CNGB1: variants seen among roughly 807,000 people sequenced by gnomAD.
The protein encoded by CNGB1 is cyclic nucleotide-gated channel beta-1.
A neutral mutation model predicts 151.7 loss-of-function variants in CNGB1; 126 were observed. The observed-to-expected ratio is 0.83, with a 90% CI of 0.72 to 0.96. The LOEUF (loss-of-function observed/expected upper bound fraction) is 0.96. Among genes scored for constraint, CNGB1 ranks in the 40% least tolerant of loss-of-function variants. The probability of loss-of-function intolerance (pLI) is 0.00; values close to 1 mark genes in which losing one functional copy is unlikely to be tolerated. For missense variants in CNGB1, 1,698 were observed against 1,627.0 expected (o/e 1.04, Z -0.75); for synonymous variants, 623 against 635.1 (o/e 0.98, Z 0.29).
In CNGB1 at chr16:57,897,462, C is replaced by T. The variant is rs897497044; in HGVS notation, c.3177G>A (p.Lys1059=). 6.2e-7 allele frequency: 1 copy of T among 1,614,138 alleles called. No individual in the cohort carries two copies. The highest frequency in any genetic ancestry group is 8.5e-7 in the Non-Finnish European group (1 of 1,180,050). The part of the protein sequence containing the change: ...HGFTNLFILD[K]KDLNEILVHY... The stretch of plus-strand genomic sequence containing the variant: ...GCACCAAAATCTCATTCAGGTCCTT[C>T]TTATCCAGGATGAAGAGGTTGGTAA... Residue 1059 remains lysine, a synonymous_variant, in exon 31 of 33, where the codon AAG becomes AAA. Coordinates refer to ENST00000251102, the MANE Select transcript of CNGB1 (RefSeq NM_001297.5).
At chr16:57,924,855 C>A (rs1237613873) in intron 17 of CNGB1, among the ~76,000 whole-genome samples, 1 of 152,136 alleles carries the variant, frequency 6.6e-6, no homozygotes, top group African/African-American at 2.4e-5. Context: ...CTCAGTTCTG[C>A]TCCTGCCATG....
chr16:57,895,932 T>C (rs1441362322), intron 31 of CNGB1, among the ~76,000 whole-genome samples: 1 of 152,148 alleles, frequency 6.6e-6, no homozygotes, highest in Non-Finnish European at 1.5e-5. Flanking sequence ...AGAGTATTCA[T>C]GGAATCAAGT....
chr16:57,896,788 G>T (rs778170995), intron 31 of CNGB1, among the ~76,000 whole-genome samples: 1 of 151,574 alleles, frequency 6.6e-6, no homozygotes, highest in African/African-American at 2.4e-5. Context: ...ATGCTTAAAA[G>T]AAGTCCAAGT....
chr16:57,957,511 A>C, intron 11 of CNGB1, 134 bp from the exon 12 acceptor site: 1 of 767,944 alleles, frequency 1.3e-6, no homozygotes, highest in Admixed American at 2.0e-5. Flanking sequence ...TGGAGAAGAG[A>C]GTCCCTGCTG....
At chr16:57,893,366 C>T (rs1029362884) in intron 31 of CNGB1, among the ~76,000 whole-genome samples, 4 of 152,148 alleles carry the variant, frequency 2.6e-5, no homozygotes, top group African/African-American at 9.7e-5. Context: ...AAATGATCCT[C>T]CCGCCTCAGC....
chr16:57,917,528 C>A, intron 20 of CNGB1, 52 bp from the exon 21 acceptor site: 5 of 1,573,714 alleles, frequency 3.2e-6, no homozygotes, highest in Non-Finnish European at 4.4e-6. Flanking sequence ...CAAGGCTCTT[C>A]ACCAGTTGGA....
Position 57,883,962 on chromosome 16 carries a change from A to AGCTCAG in CNGB1, c.*196_*201dup. 1 of 651,356 alleles carries AGCTCAG rather than the reference A, an allele frequency of 1.5e-6. No homozygotes were observed. The allele number at this position is 651,356 out of a possible 1,614,324, so 40.3% of individuals were successfully genotyped here. Reference sequence around the variant, plus strand: ...CTCGAACACTTGATGCAACTTGTCGAGCTCAGGCCCAGCCCCGCGAGGAGC... The same window carrying AGCTCAG: ...CTCGAACACTTGATGCAACTTGTCGAGCTCAGGCTCAGGCCCAGCCCCGCGAGGAGC... On this transcript the variant is annotated 3_prime_UTR_variant, in exon 33 of 33. Transcript: ENST00000251102.
chr16:57,920,597 A>T, intron 18 of CNGB1, 53 bp from the exon 19 acceptor site: 2 of 1,599,904 alleles, frequency 1.3e-6, no homozygotes, highest in Non-Finnish European at 1.7e-6. Context: ...GGACCTGTGC[A>T]CCCCCAGGCC....
At chr16:57,957,255 C>T in intron 12 of CNGB1, 86 bp downstream of exon 12, 1 of 1,300,066 alleles carries the variant, frequency 7.7e-7, no homozygotes, top group East Asian at 2.3e-5. Context: ...CCAGGGACAG[C>T]CCCCCTGCCC....
In CNGB1 at chr16:57,957,328, A is replaced by G; in HGVS notation, c.874+13T>C. On this transcript the variant is annotated intron_variant, in intron 12 of 32. Coordinates refer to ENST00000251102, the MANE Select transcript of CNGB1 (RefSeq NM_001297.5). ...CTAATATGTACATGGGGACTCAGTA[A>G]TGTGTCACTTACTGGTCTGCACATC... 6.2e-7 allele frequency: 1 copy of G among 1,613,024 alleles called. No individual in the cohort carries two copies. Among genetic ancestry groups the G allele is most frequent in the East Asian group, 2.2e-5 (1 of 44,864 alleles).
intron 4 of CNGB1, among the ~76,000 whole-genome samples, chr16:57,963,523 G>A (rs1255917598): frequency 6.6e-6 from 1 of 152,164 alleles, no homozygotes; most frequent in Non-Finnish European, 1.5e-5. Context: ...GGCACAGGCT[G>A]AGCAGCCTAA....
intron 23 of CNGB1, 110 bp downstream of exon 23, chr16:57,915,139 C>A: frequency 1.2e-6 from 1 of 840,812 alleles, no homozygotes; most frequent in South Asian, 1.6e-5. Context: ...CGGGCCATCC[C>A]TTGAGGAACT....
rs1023555749 is a variant in CNGB1 at position 57,964,428 on chromosome 16, C to T, written c.217+59G>A. The T allele has an allele frequency of 8.1e-6, 13 of 1,597,982 alleles. No homozygotes were observed. In the East Asian group the frequency reaches 1.3e-4, roughly 16 times the overall value. ...GCCAGCCTCGTGGGCTCTGCGGCTC[C>T]GAGGGGAGAATGCGGGCCCCCCTGC... On this transcript the variant is annotated intron_variant, in intron 3 of 32. Coordinates refer to ENST00000251102, the MANE Select transcript of CNGB1 (RefSeq NM_001297.5).
At chr16:57,909,595 A>G (rs775302705) in intron 25 of CNGB1, among the ~76,000 whole-genome samples, 4 of 152,132 alleles carry the variant, frequency 2.6e-5, no homozygotes, top group Non-Finnish European at 4.4e-5. Context: ...CGCCATGTCG[A>G]CTAGGCTGGT....
intron 2 of CNGB1, 36 bp downstream of exon 2, chr16:57,967,092 A>C (rs748154948): frequency 2.5e-6 from 4 of 1,613,874 alleles, no homozygotes; most frequent in Non-Finnish European, 2.5e-6. Flanking sequence ...CTGAGCAGCG[A>C]GGCCGGCCTG....
At chr16:57,925,241 G>A (rs1961152877) in intron 17 of CNGB1, among the ~76,000 whole-genome samples, 1 of 151,900 alleles carries the variant, frequency 6.6e-6, no homozygotes, top group South Asian at 2.1e-4. Context: ...AACCTCAGGT[G>A]ATCCACCTGC....
chr16:57,898,955 C>T (rs1369051399), intron 29 of CNGB1, among the ~76,000 whole-genome samples: 8 of 152,084 alleles, frequency 5.3e-5, no homozygotes, highest in Non-Finnish European at 8.8e-5. Context: ...AGATGAGGTC[C>T]TTCTAGACCT....
intron 20 of CNGB1, among the ~76,000 whole-genome samples, chr16:57,918,555 C>T (rs1960943415): frequency 6.6e-6 from 1 of 152,204 alleles, no homozygotes; most frequent in South Asian, 2.1e-4. Flanking sequence ...AAAAGGCCAG[C>T]ACGACCAGAG....
chr16:57,962,463 G>C, intron 7 of CNGB1, 102 bp downstream of exon 7: 1 of 1,042,266 alleles, frequency 9.6e-7, no homozygotes, highest in Non-Finnish European at 1.5e-6. Context: ...CATGTCCAAG[G>C]TCACACCCTG....
Sources: gnomAD v4.1 joint callset for allele counts (sites outside exome capture counted in the v4.1 genomes callset) on GRCh38, gnomAD v4.1.1 for gene constraint, MANE v1.5 for transcripts, NCBI Gene and HGNC (gene_info 2026-07-23, HGNC 2026-07-21) for gene names.